The following GRIK2 variants were observed in gnomAD, a reference collection of about 807,000 sequenced individuals.
GRIK2 encodes the protein glutamate receptor ionotropic, kainate 2.
Under a neutral mutation model 100.3 loss-of-function variants are expected in GRIK2, and 32 were observed. The observed-to-expected ratio is 0.32, with a 90% confidence interval of 0.24 to 0.43. The LOEUF (loss-of-function observed/expected upper bound fraction) is 0.43. Ranked by LOEUF, GRIK2 falls within the 20% of genes least tolerant of loss-of-function variation. GRIK2 has a pLI of 1.00. For synonymous variants in GRIK2, 417 were observed against 389.4 expected, an observed-to-expected ratio of 1.07 and a Z score of -0.83; for missense variants, 843 against 1,114.9, an observed-to-expected ratio of 0.76 and a Z score of 3.47.
intron 4 of GRIK2, among the ~76,000 whole-genome samples, chr6:101,662,085 T>C (rs537078980): frequency 6.6e-6 from 1 of 152,324 alleles, no homozygotes; most frequent in Admixed American, 6.5e-5. Flanking sequence ...TACATTAAAG[T>C]AAATCTATGC....
intron 15 of GRIK2, among the ~76,000 whole-genome samples, chr6:102,053,881 T>C (rs895905261): frequency 2.0e-5 from 3 of 152,084 alleles, no homozygotes; most frequent in Non-Finnish European, 2.9e-5. Flanking sequence ...AGACAGAAAG[T>C]AGTATAAGTT....
At chr6:101,626,682 T>C in intron 4 of GRIK2, 45 bp downstream of exon 4, 1 of 1,535,354 alleles carries the variant, frequency 6.5e-7, no homozygotes, top group Non-Finnish European at 8.9e-7. Flanking sequence ...TAAATATAGA[T>C]AATTTTCTGA....
intron 11 of GRIK2, among the ~76,000 whole-genome samples, chr6:101,883,405 T>A (rs1786401658): frequency 6.6e-6 from 1 of 151,996 alleles, no homozygotes; most frequent in Non-Finnish European, 1.5e-5. Context: ...GTTTAGTGAC[T>A]ACTTTGTGCC....
chr6:101,680,900 A>G lies in GRIK2; in HGVS notation c.724-1653A>G, dbSNP rs567769949. ...TATATAAGTATTACCCACTGAAGAA[A>G]TATTATTTGGTAATTTGATACCTAA... On this transcript the variant is annotated intron_variant, in intron 5 of 16. Coordinates refer to ENST00000369134, the MANE Select transcript of GRIK2 (RefSeq NM_021956.5). 7.9e-5 allele frequency among the ~76,000 whole-genome samples: 12 copies of G among 152,284 alleles called. No individual in the cohort carries two copies. The East Asian group carries it at 2.3e-3, about 29-fold the overall frequency.
chr6:101,764,998 C>G (rs1353947909), intron 7 of GRIK2, among the ~76,000 whole-genome samples: 1 of 152,102 alleles, frequency 6.6e-6, no homozygotes, highest in Non-Finnish European at 1.5e-5. Context: ...TTCACTGGTG[C>G]TTCATCTATG....
At chr6:101,946,941 A>G (rs1791317028) in intron 14 of GRIK2, among the ~76,000 whole-genome samples, 1 of 152,186 alleles carries the variant, frequency 6.6e-6, no homozygotes, top group African/African-American at 2.4e-5. Context: ...ACACAGGGAC[A>G]CTAGCTTCCT....
At chr6:101,436,893 A>G (rs567501435) in intron 2 of GRIK2, among the ~76,000 whole-genome samples, 3 of 151,370 alleles carry the variant, frequency 2.0e-5, no homozygotes, top group South Asian at 2.1e-4. Context: ...ATTTAAAATT[A>G]TATTGTAAAT....
intron 14 of GRIK2, among the ~76,000 whole-genome samples, chr6:101,956,472 G>A (rs934669689): frequency 6.6e-6 from 1 of 151,928 alleles, no homozygotes; most frequent in Non-Finnish European, 1.5e-5. Context: ...GTTTTAATGT[G>A]CTCATCGCCC....
At chr6:101,622,276 T>TAA (rs1456183243) in intron 3 of GRIK2, among the ~76,000 whole-genome samples, 160 bp downstream of exon 3, 1 of 152,154 alleles carries the variant, frequency 6.6e-6, no homozygotes, top group East Asian at 1.9e-4. Flanking sequence ...TCAGAGAAGA[T>TAA]AAAGTATAAT....
At chr6:101,959,718 A>C (rs1164157755) in intron 14 of GRIK2, among the ~76,000 whole-genome samples, 2 of 152,074 alleles carry the variant, frequency 1.3e-5, no homozygotes, top group Non-Finnish European at 2.9e-5. Flanking sequence ...GTAGGTTTTT[A>C]ACACCGATGA....
chr6:101,829,085 C>G (rs1194671443), intron 10 of GRIK2, among the ~76,000 whole-genome samples: 2 of 151,942 alleles, frequency 1.3e-5, no homozygotes, highest in African/African-American at 4.8e-5. Flanking sequence ...GGCTTTATTC[C>G]TGGAATGCAA....
intron 4 of GRIK2, among the ~76,000 whole-genome samples, chr6:101,649,096 C>A (rs984904423): frequency 2.0e-5 from 3 of 152,028 alleles, no homozygotes; most frequent in African/African-American, 7.2e-5. Flanking sequence ...GGTGGGGACA[C>A]AGCCAAACCA....
intron 7 of GRIK2, among the ~76,000 whole-genome samples, chr6:101,755,423 T>C (rs1442113651): frequency 1.3e-5 from 2 of 152,110 alleles, no homozygotes; most frequent in Non-Finnish European, 2.9e-5. Context: ...TGCCTCGGCC[T>C]CCCAAAGTGC....
rs572673349 is a variant in GRIK2 at position 101,962,913 on chromosome 6, C to T, written c.2085+34281C>T. Among the ~76,000 whole-genome samples the T allele has an allele frequency of 1.6e-3, 240 of 151,708 alleles. 1 individual carries two copies. The highest frequency in any genetic ancestry group is 4.8e-3 in the African/African-American group (198 of 41,340). On this transcript the variant is annotated intron_variant, in intron 14 of 16. Transcript: ENST00000369134. ...ATTTGCCTGACATATCTTTTGCTAT[C>T]TTTATTTTTAACCTTCCTGTATCTT...
chr6:101,546,272 A>T (rs1193180983), intron 2 of GRIK2, among the ~76,000 whole-genome samples: 1 of 152,198 alleles, frequency 6.6e-6, no homozygotes, highest in East Asian at 1.9e-4. Flanking sequence ...GATTTCAGAA[A>T]AGGTGATAAA....
At position 102,041,893 on chromosome 6, in the gene GRIK2, T is replaced by C. The variant is rs548835343; in HGVS notation, c.2311+6327T>C. Among the ~76,000 whole-genome samples the C allele has an allele frequency of 7.2e-5, 11 of 151,766 alleles. No homozygotes were observed. The South Asian group carries it at 2.3e-3, about 31-fold the overall frequency. On this transcript the variant is annotated intron_variant, in intron 15 of 16. Transcript: ENST00000369134. ...TACATTTTTAGAACTGTCTTGTCTT[T>C]GTATGTTTAGGGATATTAAATATAT... is the stretch of plus-strand genomic sequence containing the variant.
At chr6:101,458,418 A>G (rs1246967218) in intron 2 of GRIK2, among the ~76,000 whole-genome samples, 1 of 152,200 alleles carries the variant, frequency 6.6e-6, no homozygotes, top group African/African-American at 2.4e-5. Flanking sequence ...GTATACAGAA[A>G]TTAATCAGAT....
intron 9 of GRIK2, among the ~76,000 whole-genome samples, chr6:101,812,470 A>C (rs1416395808): frequency 6.6e-6 from 1 of 151,964 alleles, no homozygotes; most frequent in Non-Finnish European, 1.5e-5. Context: ...GATGAGGAAA[A>C]TAAAACATTT....
At chr6:101,395,010 T>C (rs187292947) in intron 1 of GRIK2, among the ~76,000 whole-genome samples, 3 of 152,350 alleles carry the variant, frequency 2.0e-5, no homozygotes, top group Non-Finnish European at 4.4e-5. Flanking sequence ...GATACACTTA[T>C]TTTAGTGTCT....
Sources: allele counts gnomAD v4.1 joint callset (sites outside exome capture counted in the v4.1 genomes callset), GRCh38; gene constraint gnomAD v4.1.1; transcripts MANE v1.5; gene names NCBI Gene and HGNC (gene_info 2026-07-23, HGNC 2026-07-21).